Variants in BRI3BP observed in about 807,000 individuals in gnomAD.
The protein encoded by BRI3BP is BRI3 binding protein.
BRI3BP carries 7 observed loss-of-function variants against 15.8 expected under a neutral mutation model. The ratio of observed to expected loss-of-function variants is 0.44; its 90% CI spans 0.25 to 0.83. The LOEUF is 0.83. BRI3BP is among the 40% of genes least tolerant of loss of function. BRI3BP has a pLI of 0.20. For missense variants in BRI3BP, 320 were observed against 339.3 expected, an observed-to-expected ratio of 0.94 and a Z score of 0.45; for synonymous variants, 192 against 163.5, an observed-to-expected ratio of 1.17 and a Z score of -1.33.
chr12:125,009,302 T>C (rs1955175547), intron 1 of BRI3BP, among the ~76,000 whole-genome samples: 1 of 141,974 alleles, frequency 7.0e-6, no homozygotes, highest in African/African-American at 2.6e-5. Flanking sequence ...TTTTTTTTTT[T>C]TTTTTGAGAT....
chr12:125,011,631 T>C (rs1194545495), intron 1 of BRI3BP, among the ~76,000 whole-genome samples: 1 of 152,176 alleles, frequency 6.6e-6, no homozygotes, highest in African/African-American at 2.4e-5. Flanking sequence ...GGGATTCCAG[T>C]TGCCAGGAAA....
At chr12:125,050,188 T>A in the BRI3BP span, among the ~76,000 whole-genome samples, 2 of 151,584 alleles carry the variant, frequency 1.3e-5, no homozygotes, top group African/African-American at 4.8e-5. Context: ...CCGTCTCTAC[T>A]AAAATACAAA....
intron 2 of BRI3BP, among the ~76,000 whole-genome samples, chr12:125,015,145 G>A (rs1489752090): frequency 6.6e-6 from 1 of 152,224 alleles, no homozygotes; most frequent in Non-Finnish European, 1.5e-5. Context: ...TGCTCCTCAA[G>A]AATATGTGTT....
rs1955013717 is a variant in BRI3BP at position 124,993,661 on chromosome 12, C to A, written c.-130C>A. On this transcript the variant is annotated 5_prime_UTR_variant, in exon 1 of 3. Coordinates refer to ENST00000341446, the MANE Select transcript of BRI3BP (RefSeq NM_080626.6). ...GGCGGGGCAGGTGGCGCAGCAGCGG[C>A]GGCGGCGGCTGTGGGTAAAGGCGCG... The A allele has an allele frequency of 5.1e-6, 2 of 389,040 alleles. No homozygotes were observed. Among genetic ancestry groups the A allele is most frequent in the African/African-American group, 2.2e-5 (1 of 45,042 alleles). 24.1% of individuals were successfully genotyped at this position (389,040 alleles called of 1,614,324 possible).
At chr12:125,000,153 C>G (rs1407111433) in intron 1 of BRI3BP, among the ~76,000 whole-genome samples, 2 of 128,436 alleles carry the variant, frequency 1.6e-5, no homozygotes, top group Non-Finnish European at 3.2e-5. Flanking sequence ...TTGACACTTT[C>G]CAGTCCTTTT....
At chr12:125,031,999 T>C (rs1955409380), downstream of BRI3BP, among the ~76,000 whole-genome samples, 1 of 152,094 alleles carries the variant, frequency 6.6e-6, no homozygotes, top group Non-Finnish European at 1.5e-5. Flanking sequence ...TGTGAAGTTA[T>C]CTGGGGGCAG....
At chr12:125,035,469 C>T (rs1955435783), downstream of BRI3BP, among the ~76,000 whole-genome samples, 1 of 150,392 alleles carries the variant, frequency 6.6e-6, no homozygotes, top group South Asian at 2.1e-4. Context: ...TCACAGCTCA[C>T]TTTAGCCTTG....
At chr12:125,021,960 G>A (rs937921917) in intron 2 of BRI3BP, among the ~76,000 whole-genome samples, 1 of 151,766 alleles carries the variant, frequency 6.6e-6, no homozygotes, top group Non-Finnish European at 1.5e-5. Context: ...CATGCCTATA[G>A]TCCTAGCTAC....
rs886788332 is a variant in BRI3BP at position 124,993,814 on chromosome 12, G to T, written c.24G>T (p.Gly8=). The T allele has an allele frequency of 9.1e-7, 1 of 1,101,104 alleles. No individual in the cohort carries two copies. The allele number at this position is 1,101,104 out of a possible 1,614,324, so 68.2% of individuals were successfully genotyped here. The stretch of plus-strand genomic sequence containing the variant: ...GCATGGGCGCGCGCGCCTCAGGCGG[G>T]CCCCTGGCCCGGGCCGGGCTCCTGC... MGARASG[G]PLARAGLLLL... The change falls in exon 1 of 3, where the codon GGG becomes GGT. Residue 8 remains glycine (G), a synonymous_variant. Coordinates refer to ENST00000341446, the MANE Select transcript of BRI3BP (RefSeq NM_080626.6).
downstream of BRI3BP, among the ~76,000 whole-genome samples, chr12:125,035,885 C>T (rs1336918361): frequency 6.6e-6 from 1 of 152,016 alleles, no homozygotes; most frequent in African/African-American, 2.4e-5. Context: ...CATTAGCCAA[C>T]ACTTGATCTT....
chr12:125,021,717 A>G (rs1245761928), intron 2 of BRI3BP, among the ~76,000 whole-genome samples: 1 of 152,176 alleles, frequency 6.6e-6, no homozygotes, highest in Non-Finnish European at 1.5e-5. Flanking sequence ...AGAGGAAGCA[A>G]GAGCGAGGGG....
intron 2 of BRI3BP, among the ~76,000 whole-genome samples, chr12:125,014,238 C>T (rs1303554251): frequency 6.6e-6 from 1 of 152,194 alleles, no homozygotes; most frequent in African/African-American, 2.4e-5. Flanking sequence ...CGCTCTTCCC[C>T]TGGGCCTTTC....
chr12:125,041,932 G>A, the BRI3BP span, among the ~76,000 whole-genome samples: 2 of 152,172 alleles, frequency 1.3e-5, no homozygotes, highest in Non-Finnish European at 2.9e-5. Flanking sequence ...GGGCTAAAGC[G>A]ATCCTCCTGC....
intron 1 of BRI3BP, among the ~76,000 whole-genome samples, chr12:125,010,796 A>C (rs1377830321): frequency 6.6e-6 from 1 of 151,374 alleles, no homozygotes; most frequent in Admixed American, 6.6e-5. Flanking sequence ...AAATTAAAAC[A>C]TAAAATACTG....
chr12:125,005,904 C>T (rs764775427), intron 1 of BRI3BP, among the ~76,000 whole-genome samples: 1 of 152,142 alleles, frequency 6.6e-6, no homozygotes, highest in Non-Finnish European at 1.5e-5. Context: ...GCAGCCCAGT[C>T]GCCTAAACAG....
chr12:125,050,655 G>A, the BRI3BP span, among the ~76,000 whole-genome samples: 1 of 152,230 alleles, frequency 6.6e-6, no homozygotes, highest in Non-Finnish European at 1.5e-5. Flanking sequence ...CGGCGGTCAT[G>A]GCGCTTGCTC....
intron 2 of BRI3BP, among the ~76,000 whole-genome samples, chr12:125,024,266 C>CG (rs1459480685): frequency 7.1e-6 from 1 of 140,906 alleles, no homozygotes; most frequent in Non-Finnish European, 1.6e-5. Flanking sequence ...AAACCCCCCC[C>CG]CCTCCACTGT....
intron 2 of BRI3BP, 49 bp downstream of exon 2, chr12:125,012,685 T>A (rs1955207274): frequency 6.9e-7 from 1 of 1,439,732 alleles, no homozygotes; most frequent in Non-Finnish European, 9.8e-7. Context: ...ATTTTGGTGG[T>A]TCTCATAGTG....
At chr12:125,016,355 GT>G (rs55938703) in intron 2 of BRI3BP, among the ~76,000 whole-genome samples, 91 of 143,078 alleles carry the variant, frequency 6.4e-4, no homozygotes, top group Middle Eastern at 3.6e-3. Context: ...TTTCTTCAGT[GT>G]TTTTTTTTTT....
Sources: gnomAD v4.1 joint callset for allele counts (sites outside exome capture counted in the v4.1 genomes callset) on GRCh38, gnomAD v4.1.1 for gene constraint, MANE v1.5 for transcripts, NCBI Gene and HGNC (gene_info 2026-07-23, HGNC 2026-07-21) for gene names.